PARM1: variants seen among roughly 807,000 people sequenced by gnomAD.
PARM1 encodes prostate androgen-regulated mucin-like protein 1.
In PARM1, 14 loss-of-function variants were observed where a neutral mutation model predicts 24.6. The observed-to-expected ratio is 0.57, with a 90% CI of 0.38 to 0.89. The LOEUF (loss-of-function observed/expected upper bound fraction) is 0.89, where lower values mean the gene tolerates loss of function less well. Ranked by LOEUF, PARM1 falls within the 40% of genes least tolerant of loss-of-function variation. The pLI, the probability that PARM1 is intolerant of heterozygous loss-of-function variation, is 0.00. For synonymous variants in PARM1, 179 were observed against 156.6 expected, an observed-to-expected ratio of 1.14 and a Z score of -1.07; for missense variants, 362 against 380.4, an observed-to-expected ratio of 0.95 and a Z score of 0.40.
chr4:74,999,491 C>A (rs1210977019), intron 1 of PARM1, among the ~76,000 whole-genome samples: 3 of 151,918 alleles, frequency 2.0e-5, no homozygotes, highest in African/African-American at 7.3e-5. Flanking sequence ...GTAAATAGGA[C>A]CAAATTGCAA....
chr4:75,028,141 C>T (rs1183429725), intron 2 of PARM1, among the ~76,000 whole-genome samples: 1 of 152,160 alleles, frequency 6.6e-6, no homozygotes, highest in Non-Finnish European at 1.5e-5. Context: ...GTCCCTGGCA[C>T]ACAGTAAGTA....
At chr4:74,936,438 G>GTTTTTTTTTTTTTTTTT (rs33956924) in intron 1 of PARM1, among the ~76,000 whole-genome samples, 2 of 31,880 alleles carry the variant, frequency 6.3e-5, no homozygotes, top group African/African-American at 1.0e-4. Context: ...ACATTCAAGT[G>GTTTTTTTTTTTTTTTTT]TTTTTTTTTT....
At chr4:74,957,729 C>G (rs1216874602) in intron 1 of PARM1, among the ~76,000 whole-genome samples, 1 of 152,164 alleles carries the variant, frequency 6.6e-6, no homozygotes, top group Non-Finnish European at 1.5e-5. Context: ...TGGTGCTGTT[C>G]TGTACCCTGG....
intron 1 of PARM1, among the ~76,000 whole-genome samples, chr4:74,943,114 A>C (rs1274551630): frequency 6.6e-6 from 1 of 152,148 alleles, no homozygotes; most frequent in Non-Finnish European, 1.5e-5. Context: ...TCTCAATGAG[A>C]CTTACCCTGA....
intron 2 of PARM1, among the ~76,000 whole-genome samples, chr4:75,030,736 A>G (rs1306125958): frequency 6.6e-6 from 1 of 152,128 alleles, no homozygotes; most frequent in Admixed American, 6.5e-5. Context: ...CACAAATCCC[A>G]ATGAGGAAGA....
At chr4:74,939,108 T>C (rs532885840) in intron 1 of PARM1, among the ~76,000 whole-genome samples, 2 of 152,330 alleles carry the variant, frequency 1.3e-5, no homozygotes, top group Admixed American at 1.3e-4. Context: ...ACTGGTTGTC[T>C]TGTTTTTTAA....
chr4:75,004,258 G>C (rs932976913), intron 1 of PARM1, among the ~76,000 whole-genome samples: 4 of 152,180 alleles, frequency 2.6e-5, no homozygotes, highest in Non-Finnish European at 5.9e-5. Context: ...CTTTCTCTGT[G>C]CCAGGCACTA....
chr4:75,001,305 G>C (rs898145784), intron 1 of PARM1, among the ~76,000 whole-genome samples: 1 of 152,200 alleles, frequency 6.6e-6, no homozygotes, highest in African/African-American at 2.4e-5. Context: ...TAAATGATGA[G>C]TTAGTAATAC....
At chr4:75,033,210 A>T (rs1476574780) in intron 2 of PARM1, among the ~76,000 whole-genome samples, 2 of 152,168 alleles carry the variant, frequency 1.3e-5, no homozygotes, top group African/African-American at 4.8e-5. Context: ...ATCAGACCAG[A>T]CCTTATTCTA....
chr4:75,019,463 A>G (rs955681573), intron 2 of PARM1, among the ~76,000 whole-genome samples: 3 of 152,258 alleles, frequency 2.0e-5, no homozygotes, highest in African/African-American at 7.2e-5. Flanking sequence ...AGAGAAGCAC[A>G]CACAACCGTG....
chr4:74,938,183 T>G (rs1185327746), intron 1 of PARM1, among the ~76,000 whole-genome samples: 1 of 152,220 alleles, frequency 6.6e-6, no homozygotes, highest in Non-Finnish European at 1.5e-5. Context: ...ATTGTGCTTG[T>G]GTTTTCATGA....
At chr4:74,969,878 T>C (rs1721988840) in intron 1 of PARM1, 1 of 152,214 alleles carries the variant, frequency 6.6e-6, no homozygotes, top group Non-Finnish European at 1.5e-5. Flanking sequence ...TTTGAGATTG[T>C]AGAAATTGAT....
intron 2 of PARM1, among the ~76,000 whole-genome samples, chr4:75,017,123 G>A (rs559415109): frequency 7.9e-5 from 12 of 152,060 alleles, no homozygotes; most frequent in South Asian, 4.2e-4. Flanking sequence ...ATCGCCTCCC[G>A]TCCCTCTGTC....
At chr4:74,961,280 A>G (rs1408128012) in intron 1 of PARM1, among the ~76,000 whole-genome samples, 2 of 152,174 alleles carry the variant, frequency 1.3e-5, no homozygotes, top group Non-Finnish European at 2.9e-5. Flanking sequence ...AATATCAAAG[A>G]AAAGTGAGCA....
chr4:74,937,217 CACAAAATTGTGCACACACGT>C (rs1257381834), intron 1 of PARM1, among the ~76,000 whole-genome samples: 6 of 152,182 alleles, frequency 3.9e-5, no homozygotes, highest in African/African-American at 1.4e-4. Context: ...TATTAAAATA[CACAAAATTGTGCACACACGT>C]AAAGGAACAG....
chr4:74,990,120 C>T (rs776901520), intron 1 of PARM1, among the ~76,000 whole-genome samples: 16 of 152,114 alleles, frequency 1.1e-4, no homozygotes, highest in Non-Finnish European at 2.1e-4. Context: ...CTGAGCTTCA[C>T]AGTTACCTGT....
chr4:74,991,707 T>C (rs1446324572), intron 1 of PARM1, among the ~76,000 whole-genome samples: 1 of 152,098 alleles, frequency 6.6e-6, no homozygotes, highest in Non-Finnish European at 1.5e-5. Context: ...CATGGGGCAT[T>C]AGGTTGAGTG....
Position 74,975,604 on chromosome 4 carries a change from G to A in PARM1, c.44-36821G>A, listed in dbSNP as rs116352724. On this transcript the variant is annotated intron_variant, in intron 1 of 3. Transcript: ENST00000307428. ...GTATATTTTATAAACATGTAGTCAC[G>A]TTTGACTACATTTGTTATATTAATT... Among the ~76,000 whole-genome samples, 271 of 152,294 alleles carry A rather than the reference G, an allele frequency of 1.8e-3. 2 individuals are homozygous for A. The highest frequency in any genetic ancestry group is 6.4e-3 in the African/African-American group (264 of 41,564).
At chr4:74,961,595 CAAT>C (rs1560776341) in intron 1 of PARM1, among the ~76,000 whole-genome samples, 1 of 152,062 alleles carries the variant, frequency 6.6e-6, no homozygotes, top group Non-Finnish European at 1.5e-5. Context: ...AAGGGATTCT[CAAT>C]AAGATTATCA....
Sources: gnomAD v4.1 joint callset for allele counts (sites outside exome capture counted in the v4.1 genomes callset) on GRCh38, gnomAD v4.1.1 for gene constraint, MANE v1.5 for transcripts, NCBI Gene and HGNC (gene_info 2026-07-23, HGNC 2026-07-21) for gene names.